YWHAH: variants seen among roughly 807,000 people sequenced by gnomAD.
The protein encoded by YWHAH is tyrosine 3-monooxygenase/tryptophan 5-monooxygenase activation protein eta, also known as 14-3-3 protein eta.
A neutral mutation model predicts 22.9 loss-of-function variants in YWHAH; 6 were observed. That is an observed-to-expected ratio of 0.26 (90% CI 0.14 to 0.52). The LOEUF (loss-of-function observed/expected upper bound fraction) is 0.52. YWHAH is among the 20% of genes least tolerant of loss of function. YWHAH has a pLI of 0.97. For missense variants in YWHAH, 173 were observed against 308.6 expected (o/e 0.56, Z 3.29); for synonymous variants, 135 against 124.5 (o/e 1.08, Z -0.56).
intron 1 of YWHAH, among the ~76,000 whole-genome samples, chr22:31,949,946 G>T (rs2093840733): frequency 1.4e-5 from 2 of 146,284 alleles, no homozygotes; most frequent in Admixed American, 1.4e-4. Context: ...TTATCTGTTG[G>T]GTGCAAGTCA....
chr22:31,946,823 C>T (rs1390237360), intron 1 of YWHAH, among the ~76,000 whole-genome samples: 1 of 152,066 alleles, frequency 6.6e-6, no homozygotes, highest in Non-Finnish European at 1.5e-5. Flanking sequence ...GTTAAGGTAG[C>T]CTTTTGTAAA....
chr22:31,945,061 C>T (rs2093831689), intron 1 of YWHAH: 3 of 1,106,804 alleles, frequency 2.7e-6, no homozygotes, highest in African/African-American at 1.7e-5. Context: ...AAGGCAGCCC[C>T]GGAAGGGGGG....
chr22:31,944,665 G>C lies in YWHAH; in HGVS notation c.-69G>C, dbSNP rs1603047548. The stretch of plus-strand genomic sequence containing the variant: ...GCGGCCTCCGCAGCGACCGGGGAGC[G>C]GACTGACCGGCGGGAGGGCTAGCGA... On this transcript the variant is annotated 5_prime_UTR_variant, in exon 1 of 2. Transcript: ENST00000248975. 1 of 1,212,120 alleles carries C rather than the reference G, an allele frequency of 8.3e-7. No homozygotes were observed. The highest frequency in any genetic ancestry group is 1.0e-6 in the Non-Finnish European group (1 of 957,842). The allele number at this position is 1,212,120 out of a possible 1,614,324, so 75.1% of individuals were successfully genotyped here.
At chr22:31,947,084 G>T (rs753028858) in intron 1 of YWHAH, among the ~76,000 whole-genome samples, 8 of 152,142 alleles carry the variant, frequency 5.3e-5, no homozygotes, top group Non-Finnish European at 8.8e-5. Flanking sequence ...AATTCTTAAT[G>T]TTACTGGGAT....
At chr22:31,945,127 G>T in intron 1 of YWHAH, 1 of 1,091,504 alleles carries the variant, frequency 9.2e-7, no homozygotes, top group South Asian at 3.1e-5. Flanking sequence ...GGCAGAGGGT[G>T]CCCTAGGGGA....
chr22:31,947,787 G>T (rs1351127832), intron 1 of YWHAH, among the ~76,000 whole-genome samples: 4 of 152,138 alleles, frequency 2.6e-5, no homozygotes, highest in African/African-American at 9.7e-5. Flanking sequence ...CTATAAAGTG[G>T]GATTAAATGT....
intron 1 of YWHAH, among the ~76,000 whole-genome samples, chr22:31,948,963 C>A (rs2093838929): frequency 6.6e-6 from 1 of 151,958 alleles, no homozygotes; most frequent in Admixed American, 6.6e-5. Context: ...TTAAAGAAAC[C>A]AAAAATGTAT....
intron 1 of YWHAH, among the ~76,000 whole-genome samples, chr22:31,951,791 G>A (rs910502224): frequency 6.6e-6 from 1 of 152,294 alleles, no homozygotes; most frequent in South Asian, 2.1e-4. Flanking sequence ...GCCAAAGGCT[G>A]TTTGGTCAGG....
chr22:31,945,782 C>T, intron 1 of YWHAH: 1 of 945,128 alleles, frequency 1.1e-6, no homozygotes, highest in Non-Finnish European at 1.4e-6. Context: ...CTGGGAGGAT[C>T]CCCTTGAACT....
At chr22:31,947,355 G>C (rs2093836422) in intron 1 of YWHAH, 4 of 458,194 alleles carry the variant, frequency 8.7e-6, no homozygotes, top group Non-Finnish European at 1.4e-5. Flanking sequence ...TTATTAACAA[G>C]TCAGTTTTGC....
chr22:31,951,980 G>A (rs1214514228), intron 1 of YWHAH, among the ~76,000 whole-genome samples: 1 of 152,198 alleles, frequency 6.6e-6, no homozygotes, highest in African/African-American at 2.4e-5. Context: ...GTGAGCAGGG[G>A]TGGCGAAACC....
chr22:31,956,373 C>T lies in YWHAH; in HGVS notation c.322C>T (p.Leu108=), dbSNP rs1432934199. 1 of 1,614,120 alleles carries T rather than the reference C, an allele frequency of 6.2e-7. No homozygotes were observed. Among genetic ancestry groups the T allele is most frequent in the South Asian group, 1.1e-5 (1 of 91,076 alleles). The stretch of plus-strand genomic sequence containing the variant: ...TGTCCTGTCTCTGCTTGACAAGTTC[C>T]TGATCAAGAACTGCAATGATTTCCA... ...NDVLSLLDKF[L]IKNCNDFQYE... The change falls in exon 2 of 2, where the codon CTG becomes TTG. Residue 108 remains leucine, a synonymous_variant. Coordinates refer to ENST00000248975, the MANE Select transcript of YWHAH (RefSeq NM_003405.4). The surrounding 1 kb of genome is among the most constrained non-coding windows in gnomAD (Gnocchi z 5.1).
At chr22:31,945,458 T>G (rs1446178716) in intron 1 of YWHAH, 2 of 1,304,030 alleles carry the variant, frequency 1.5e-6, no homozygotes, top group Non-Finnish European at 2.0e-6. Context: ...GGTTTGCTGC[T>G]GCGCTGTCTG....
intron 1 of YWHAH, among the ~76,000 whole-genome samples, chr22:31,952,819 G>A (rs2858751): frequency 5.3e-5 from 8 of 152,324 alleles, no homozygotes; most frequent in South Asian, 4.1e-4. Context: ...CAAACTTCAC[G>A]TTAGTAGGAA....
At position 31,957,085 on chromosome 22, in the gene YWHAH, T is replaced by TGG; in HGVS notation, c.*296_*297dup. 1 of 293,544 alleles carries TGG rather than the reference T, an allele frequency of 3.4e-6. No individual in the cohort carries two copies. Among genetic ancestry groups the TGG allele is most frequent in the Non-Finnish European group, 6.4e-6 (1 of 156,962 alleles). 18.2% of individuals were successfully genotyped at this position (293,544 alleles called of 1,614,324 possible). ...CTATGGGAAATCTAGGCGAAAGTAA[T>TGG]GGGGAAGATTAGAAAGAATTAGCCA... is the stretch of plus-strand genomic sequence containing the variant. On this transcript the variant is annotated 3_prime_UTR_variant, in exon 2 of 2. Coordinates refer to ENST00000248975, the MANE Select transcript of YWHAH (RefSeq NM_003405.4).
At chr22:31,953,424 T>C (rs1250838169) in intron 1 of YWHAH, among the ~76,000 whole-genome samples, 1 of 152,188 alleles carries the variant, frequency 6.6e-6, no homozygotes, top group Non-Finnish European at 1.5e-5. Flanking sequence ...AGTTCATAAG[T>C]GTGATGATTG....
chr22:31,948,363 A>G (rs935895747), intron 1 of YWHAH, among the ~76,000 whole-genome samples: 2 of 151,714 alleles, frequency 1.3e-5, no homozygotes, highest in East Asian at 3.9e-4. Context: ...CACAGAGAGT[A>G]GGAGGATTTT....
At chr22:31,955,385 T>C (rs1330438170) in intron 1 of YWHAH, among the ~76,000 whole-genome samples, 2 of 152,078 alleles carry the variant, frequency 1.3e-5, no homozygotes, top group East Asian at 3.8e-4. Context: ...ACTTCCAGTC[T>C]GTTGTCTTTG....
intron 1 of YWHAH, among the ~76,000 whole-genome samples, chr22:31,954,638 C>T (rs962746733): frequency 1.3e-5 from 2 of 152,146 alleles, no homozygotes; most frequent in Admixed American, 1.3e-4. Context: ...AGGGAAGAAT[C>T]CTTCCTAGGC....
Sources: gnomAD v4.1 joint callset for allele counts (sites outside exome capture counted in the v4.1 genomes callset) on GRCh38, gnomAD v4.1.1 for gene constraint, Gnocchi (gnomAD v3.1) non-coding constraint, MANE v1.5 for transcripts, NCBI Gene and HGNC (gene_info 2026-07-23, HGNC 2026-07-21) for gene names.